SLC2A13: variants seen among roughly 807,000 people sequenced by gnomAD.
SLC2A13 encodes proton myo-inositol cotransporter.
In SLC2A13, 32 loss-of-function variants were observed where a neutral mutation model predicts 64.4. The ratio of observed to expected loss-of-function variants is 0.50; its 90% CI spans 0.37 to 0.67. The LOEUF (loss-of-function observed/expected upper bound fraction) is 0.67. Ranked by LOEUF, SLC2A13 falls within the 30% of genes least tolerant of loss-of-function variation. The pLI, the probability that SLC2A13 is intolerant of heterozygous loss-of-function variation, is 0.00. For synonymous variants in SLC2A13, 338 were observed against 327.1 expected (o/e 1.03, Z -0.36); for missense variants, 743 against 829.2 (o/e 0.90, Z 1.28).
chr12:40,077,421 T>C (rs1009293058), intron 1 of SLC2A13, among the ~76,000 whole-genome samples: 2 of 152,206 alleles, frequency 1.3e-5, no homozygotes, highest in Non-Finnish European at 1.5e-5. Flanking sequence ...CCTTTCCCCA[T>C]TGCTTGTTAT....
chr12:39,943,188 C>T (rs1339893997), intron 4 of SLC2A13, among the ~76,000 whole-genome samples: 2 of 152,162 alleles, frequency 1.3e-5, no homozygotes, highest in African/African-American at 2.4e-5. Context: ...AGGTGTCTGT[C>T]GACCCCTGCT....
intron 4 of SLC2A13, among the ~76,000 whole-genome samples, chr12:39,896,317 T>A (rs558189696): frequency 7.8e-6 from 1 of 128,190 alleles, no homozygotes; most frequent in Non-Finnish European, 1.6e-5. Context: ...TACATATATG[T>A]ATGTATATGT....
intron 1 of SLC2A13, among the ~76,000 whole-genome samples, chr12:40,080,009 C>T (rs1296510685): frequency 6.6e-6 from 1 of 152,016 alleles, no homozygotes; most frequent in Non-Finnish European, 1.5e-5. Flanking sequence ...TACAGCTGTA[C>T]ACCACCACAC....
chr12:39,951,282 G>T lies in SLC2A13; in HGVS notation c.1009C>A (p.Gln337Lys). Residue 337 changes from glutamine to lysine, a missense_variant, in exon 4 of 10, where the codon CAG becomes AAG. By Grantham distance (53) the Gln-to-Lys change is moderately conservative. Coordinates refer to ENST00000280871, the MANE Select transcript of SLC2A13 (RefSeq NM_052885.4). ...ATGATGGTGTTAATGCCTGAGAGCT[G>T]CTGGAACATTTGTAGGCCACAACCC... ...IVGCGLQMFQQLSGINTIMYY... is the reference protein window; with the variant it reads ...IVGCGLQMFQKLSGINTIMYY... 1 of 1,613,492 alleles carries T rather than the reference G, an allele frequency of 6.2e-7. No individual in the cohort carries two copies. The highest frequency in any genetic ancestry group is 8.5e-7 in the Non-Finnish European group (1 of 1,179,686).
intron 4 of SLC2A13, among the ~76,000 whole-genome samples, chr12:39,944,497 T>C (rs1430123069): frequency 6.6e-6 from 1 of 152,210 alleles, no homozygotes; most frequent in African/African-American, 2.4e-5. Flanking sequence ...TTAGGTCTAT[T>C]AGTAATTGTT....
intron 3 of SLC2A13, among the ~76,000 whole-genome samples, chr12:39,964,208 C>T (rs530128045): frequency 7.9e-5 from 12 of 152,154 alleles, no homozygotes; most frequent in Non-Finnish European, 1.6e-4. Flanking sequence ...TCTTGTCCCT[C>T]CCTCAACTCT....
At chr12:39,839,652 A>T (rs1028532338) in intron 6 of SLC2A13, among the ~76,000 whole-genome samples, 3 of 151,850 alleles carry the variant, frequency 2.0e-5, no homozygotes, top group African/African-American at 7.3e-5. Context: ...AGATAGTGGC[A>T]TCTTCATCTT....
chr12:39,792,106 G>A (rs1229303939), intron 7 of SLC2A13, among the ~76,000 whole-genome samples: 1 of 77,958 alleles, frequency 1.3e-5, no homozygotes, highest in African/African-American at 4.9e-5. Flanking sequence ...ACAAACCTGA[G>A]AAAAACAAGC....
At chr12:39,965,746 A>C (rs1946499779) in intron 3 of SLC2A13, among the ~76,000 whole-genome samples, 1 of 152,144 alleles carries the variant, frequency 6.6e-6, no homozygotes, top group African/African-American at 2.4e-5. Flanking sequence ...AATTTCCTTC[A>C]GGATCATAAC....
At chr12:40,082,860 C>T (rs1411975585) in intron 1 of SLC2A13, among the ~76,000 whole-genome samples, 4 of 152,206 alleles carry the variant, frequency 2.6e-5, no homozygotes, top group African/African-American at 9.6e-5. Context: ...TCCCCAGGAG[C>T]TGCTCAGGGT....
At chr12:39,978,961 C>CGCAGCTG (rs1163093876) in intron 3 of SLC2A13, among the ~76,000 whole-genome samples, 1 of 149,008 alleles carries the variant, frequency 6.7e-6, no homozygotes, top group Non-Finnish European at 1.5e-5. Flanking sequence ...TCTCCCAGCA[C>CGCAGCTG]GCAGCTGGAG....
intron 3 of SLC2A13, among the ~76,000 whole-genome samples, chr12:39,980,265 C>T (rs920287457): frequency 1.3e-5 from 2 of 151,972 alleles, no homozygotes; most frequent in African/African-American, 4.8e-5. Flanking sequence ...ACTGCATCAA[C>T]TAACAAGCAA....
At chr12:39,775,259 A>G (rs1032033775) in intron 7 of SLC2A13, among the ~76,000 whole-genome samples, 2 of 152,348 alleles carry the variant, frequency 1.3e-5, no homozygotes, top group Non-Finnish European at 2.9e-5. Flanking sequence ...TTGGGCCACA[A>G]AGGTTGGTCT....
In SLC2A13 at chr12:39,756,366, G is replaced by A. The variant is rs574332990; in HGVS notation, c.*3660C>T. 1 of 151,882 alleles carries A rather than the reference G, an allele frequency of 6.6e-6. No individual in the cohort carries two copies. The highest frequency in any genetic ancestry group is 6.6e-5 in the Admixed American group (1 of 15,210). 9.4% of individuals were successfully genotyped at this position (151,882 alleles called of 1,614,324 possible). ...GGTAATTAAAAACTTGTCACAACAA[G>A]TGAATAAAAGTCAGTTGTTAGGTAC... On this transcript the variant is annotated 3_prime_UTR_variant, in exon 10 of 10. Transcript: ENST00000280871.
chr12:39,853,524 AT>A (rs966172669), intron 6 of SLC2A13, among the ~76,000 whole-genome samples: 97 of 151,362 alleles, frequency 6.4e-4, no homozygotes, highest in African/African-American at 2.3e-3. Context: ...GCTGGGCAAC[AT>A]TTTTTTCTCC....
intron 3 of SLC2A13, among the ~76,000 whole-genome samples, chr12:39,988,844 C>T (rs1236609568): frequency 6.6e-6 from 1 of 152,016 alleles, no homozygotes; most frequent in Non-Finnish European, 1.5e-5. Flanking sequence ...ATCTTTCATT[C>T]CTCTTCTTCT....
rs1350109181 is a variant in SLC2A13, at chr12:40,073,193, T to C, written c.557-24983A>G. 8.1e-5 allele frequency among the ~76,000 whole-genome samples: 12 copies of C among 149,052 alleles called. No homozygotes were observed. In the Admixed American group the frequency reaches 8.1e-4, roughly 10 times the overall value. ...CCTTGTATAATTTCTGTCATGCATT[T>C]CACATATAAATAAGCATAAACATAT... On this transcript the variant is annotated intron_variant, in intron 1 of 9. Transcript: ENST00000280871.
chr12:40,069,388 T>G (rs1372612554), intron 1 of SLC2A13, among the ~76,000 whole-genome samples: 1 of 152,048 alleles, frequency 6.6e-6, no homozygotes, highest in African/African-American at 2.4e-5. Context: ...TATCTCTCTT[T>G]TGCATCCACT....
intron 7 of SLC2A13, among the ~76,000 whole-genome samples, chr12:39,815,601 C>T (rs767703384): frequency 4.6e-5 from 7 of 151,964 alleles, no homozygotes; most frequent in Non-Finnish European, 8.8e-5. Flanking sequence ...GTTTGGGGGA[C>T]GGTAAGAGGC....
Sources: gnomAD v4.1 joint callset for allele counts (sites outside exome capture counted in the v4.1 genomes callset) on GRCh38, gnomAD v4.1.1 for gene constraint, MANE v1.5 for transcripts, NCBI Gene and HGNC (gene_info 2026-07-23, HGNC 2026-07-21) for gene names.